Variants in CDK14 observed in about 807,000 individuals in gnomAD.
CDK14 encodes cyclin-dependent kinase 14.
In CDK14, 34 loss-of-function variants were observed where a neutral mutation model predicts 60.7. That is an observed-to-expected ratio of 0.56 (90% CI 0.43 to 0.75). The LOEUF (loss-of-function observed/expected upper bound fraction) is 0.75. Among genes scored for constraint, CDK14 ranks in the 30% least tolerant of loss-of-function variants. The pLI is 0.00. For synonymous variants in CDK14, 197 were observed against 203.7 expected (o/e 0.97, Z 0.28); for missense variants, 482 against 564.1 (o/e 0.85, Z 1.47).
At chr7:90,726,873 C>T in intron 3 of CDK14, 61 bp downstream of exon 3, 1 of 1,569,978 alleles carries the variant, frequency 6.4e-7, no homozygotes, top group Non-Finnish European at 8.7e-7. Context: ...CTTATGATAG[C>T]ATGCGGTGCT....
intron 2 of CDK14, among the ~76,000 whole-genome samples, chr7:90,724,231 T>C (rs569466182): frequency 2.6e-5 from 4 of 152,264 alleles, no homozygotes; most frequent in Admixed American, 1.3e-4. Flanking sequence ...ACAATGTTGT[T>C]TGTAGTATTT....
At chr7:91,135,445 G>C (rs962627572) in intron 14 of CDK14, among the ~76,000 whole-genome samples, 3 of 152,174 alleles carry the variant, frequency 2.0e-5, no homozygotes, top group Non-Finnish European at 4.4e-5. Flanking sequence ...TGGAAGGCTG[G>C]TCTCAGTGTC....
intron 11 of CDK14, among the ~76,000 whole-genome samples, chr7:91,060,759 C>T (rs992618532): frequency 1.4e-4 from 22 of 152,242 alleles, no homozygotes; most frequent in African/African-American, 4.3e-4. Flanking sequence ...GAGTTTCTGC[C>T]GAGAGATCAG....
intron 5 of CDK14, among the ~76,000 whole-genome samples, chr7:90,806,301 AG>A (rs1438749256): frequency 6.6e-6 from 1 of 152,200 alleles, no homozygotes; most frequent in Non-Finnish European, 1.5e-5. Context: ...CCTCTTAAAA[AG>A]ACACCATTAA....
Position 90,729,344 on chromosome 7 carries a change from G to GTTTTTTTTTTTTTTTTTT in CDK14, c.369+2542_369+2559dup, listed in dbSNP as rs1237046149. On this transcript the variant is annotated intron_variant, in intron 3 of 14. Coordinates refer to ENST00000380050, the MANE Select transcript of CDK14 (RefSeq NM_001287135.2). Reference sequence around the variant, plus strand: ...TGCCTTGGATCATGTAGGTATCAAGGTTTTTTTTTTTTTTTTTTTTTTTTT... The same window carrying GTTTTTTTTTTTTTTTTTT: ...TGCCTTGGATCATGTAGGTATCAAGGTTTTTTTTTTTTTTTTTTTTTTTTTTTTTTTTTTTTTTTTTTT... Among the ~76,000 whole-genome samples, 11 of 45,216 alleles carry GTTTTTTTTTTTTTTTTTT rather than the reference G, an allele frequency of 2.4e-4. 4 individuals carry two copies. The highest frequency in any genetic ancestry group is 6.2e-4 in the African/African-American group (7 of 11,368). The allele number at this position is 45,216 out of a possible 152,430, so 29.7% of individuals were successfully genotyped here.
At chr7:91,020,876 C>T (rs1796415335) in intron 10 of CDK14, among the ~76,000 whole-genome samples, 1 of 152,154 alleles carries the variant, frequency 6.6e-6, no homozygotes, top group Non-Finnish European at 1.5e-5. Flanking sequence ...GGACTGCTTT[C>T]CTTTCTAGAA....
chr7:90,943,395 C>T (rs1041917341), intron 8 of CDK14, among the ~76,000 whole-genome samples: 2 of 151,942 alleles, frequency 1.3e-5, no homozygotes, highest in African/African-American at 4.8e-5. Context: ...TACTGTCTGC[C>T]AAGTGAGCTG....
chr7:90,945,018 C>T (rs1794059016), intron 8 of CDK14, among the ~76,000 whole-genome samples: 1 of 152,064 alleles, frequency 6.6e-6, no homozygotes, highest in African/African-American at 2.4e-5. Context: ...CCATGTTGTG[C>T]CAATGAACTG....
intron 2 of CDK14, among the ~76,000 whole-genome samples, chr7:90,636,150 G>A (rs1800141761): frequency 6.6e-6 from 1 of 151,128 alleles, no homozygotes; most frequent in Non-Finnish European, 1.5e-5. Context: ...TAATTGCCCT[G>A]GCCAGAACTT....
intron 5 of CDK14, among the ~76,000 whole-genome samples, chr7:90,853,964 A>G (rs1050194014): frequency 2.6e-5 from 4 of 152,118 alleles, no homozygotes; most frequent in African/African-American, 9.7e-5. Flanking sequence ...GTGGGTTCTA[A>G]TTTGCTTAAG....
chr7:91,088,904 G>T (rs1798721551), intron 12 of CDK14, among the ~76,000 whole-genome samples: 1 of 151,718 alleles, frequency 6.6e-6, no homozygotes. Flanking sequence ...AAATCCTTTA[G>T]TGACTAAACC....
chr7:90,649,252 C>CTTTGTTTG (rs879793176), intron 2 of CDK14, among the ~76,000 whole-genome samples: 1 of 45,396 alleles, frequency 2.2e-5, no homozygotes, highest in East Asian at 5.0e-4. Context: ...TTCTTTCTTT[C>CTTTGTTTG]TTTCTTTCTT....
chr7:91,058,895 G>C (rs911933262), intron 11 of CDK14, among the ~76,000 whole-genome samples: 3 of 152,154 alleles, frequency 2.0e-5, no homozygotes, highest in Non-Finnish European at 4.4e-5. Context: ...CCCGGCTTTG[G>C]TATCAGGATG....
intron 2 of CDK14, among the ~76,000 whole-genome samples, chr7:90,626,740 G>A (rs537015802): frequency 2.6e-5 from 4 of 152,126 alleles, no homozygotes; most frequent in Non-Finnish European, 5.9e-5. Flanking sequence ...AGGAGTTGGA[G>A]ACCAGCCTGG....
chr7:90,828,997 A>G (rs1347637365), intron 5 of CDK14, among the ~76,000 whole-genome samples: 1 of 152,188 alleles, frequency 6.6e-6, no homozygotes, highest in Non-Finnish European at 1.5e-5. Context: ...GAAACTTACA[A>G]TTATGGCAGA....
At chr7:91,065,896 T>G (rs1389003165) in intron 11 of CDK14, among the ~76,000 whole-genome samples, 1 of 152,228 alleles carries the variant, frequency 6.6e-6, no homozygotes, top group Non-Finnish European at 1.5e-5. Flanking sequence ...TTAGGGTAAC[T>G]GTTTGAAATG....
chr7:91,199,919 G>A (rs1413261172), intron 14 of CDK14, among the ~76,000 whole-genome samples: 1 of 152,162 alleles, frequency 6.6e-6, no homozygotes, highest in East Asian at 1.9e-4. Context: ...TCAAAGATGT[G>A]TTCTCTTCTA....
At chr7:90,845,209 T>A (rs1790428360) in intron 5 of CDK14, among the ~76,000 whole-genome samples, 1 of 152,192 alleles carries the variant, frequency 6.6e-6, no homozygotes, top group Non-Finnish European at 1.5e-5. Flanking sequence ...AATGAATGAA[T>A]GAGTTCTCTT....
chr7:90,616,735 T>C (rs1301007254), intron 2 of CDK14, among the ~76,000 whole-genome samples: 1 of 152,212 alleles, frequency 6.6e-6, no homozygotes, highest in Non-Finnish European at 1.5e-5. Context: ...TACATTGCAC[T>C]AATTTCTATA....
Sources: gnomAD v4.1 joint callset for allele counts (sites outside exome capture counted in the v4.1 genomes callset) on GRCh38, gnomAD v4.1.1 for gene constraint, MANE v1.5 for transcripts, NCBI Gene and HGNC (gene_info 2026-07-23, HGNC 2026-07-21) for gene names.